LRP1B: variants seen among roughly 807,000 people sequenced by gnomAD.
The protein encoded by LRP1B is LDL receptor related protein 1B.
A neutral mutation model predicts 556.6 loss-of-function variants in LRP1B; 217 were observed. The ratio of observed to expected loss-of-function variants is 0.39; its 90% CI spans 0.35 to 0.44. The LOEUF is 0.44. Among genes scored for constraint, LRP1B ranks in the 20% least tolerant of loss-of-function variants. The probability of loss-of-function intolerance (pLI) is 1.00; values close to 1 mark genes in which losing one functional copy is unlikely to be tolerated. For synonymous variants in LRP1B, 2,047 were observed against 1,865.8 expected (o/e 1.10, Z -2.50); for missense variants, 5,053 against 5,620.8 (o/e 0.90, Z 3.23).
At chr2:140,777,842 T>C (rs911079975) in intron 32 of LRP1B, among the ~76,000 whole-genome samples, 11 of 151,882 alleles carry the variant, frequency 7.2e-5, no homozygotes, top group Admixed American at 2.0e-4. Context: ...TTCAATAGAA[T>C]GATCAGAAAA....
chr2:141,432,966 T>C lies in LRP1B; in HGVS notation c.343+47430A>G, dbSNP rs1680619859. ...TAGTTTGCTACCATTTTCTGGTGTCTTTAGGTAGAAGTGTAAGTTATCTAT... is the reference window on the plus strand; with the variant it reads ...TAGTTTGCTACCATTTTCTGGTGTCCTTAGGTAGAAGTGTAAGTTATCTAT... On this transcript the variant is annotated intron_variant, in intron 3 of 90. Coordinates refer to ENST00000389484, the MANE Select transcript of LRP1B (RefSeq NM_018557.3). Among the ~76,000 whole-genome samples the C allele has an allele frequency of 2.6e-5, 4 of 151,970 alleles. No homozygotes were observed. The South Asian group carries it at 8.3e-4, about 31-fold the overall frequency.
intron 66 of LRP1B, among the ~76,000 whole-genome samples, chr2:140,424,185 A>G (rs1037371271): frequency 6.6e-6 from 1 of 152,246 alleles, no homozygotes; most frequent in Non-Finnish European, 1.5e-5. Flanking sequence ...TCCTTAAAAA[A>G]GATAATTTGG....
intron 35 of LRP1B, among the ~76,000 whole-genome samples, chr2:140,720,740 C>G (rs1455565837): frequency 6.6e-6 from 1 of 152,074 alleles, no homozygotes; most frequent in East Asian, 1.9e-4. Flanking sequence ...ACACTCTACT[C>G]TACGTTATTA....
intron 3 of LRP1B, among the ~76,000 whole-genome samples, chr2:141,277,611 A>T (rs146242000): frequency 3.0e-4 from 45 of 152,156 alleles, no homozygotes; most frequent in African/African-American, 1.1e-3. Flanking sequence ...AGATTATATA[A>T]TCAGAAAATA....
chr2:141,260,902 C>T (rs1415200922), intron 3 of LRP1B, among the ~76,000 whole-genome samples: 1 of 151,984 alleles, frequency 6.6e-6, no homozygotes, highest in Admixed American at 6.6e-5. Context: ...AATAAAATTG[C>T]TTCTTAAATT....
intron 3 of LRP1B, among the ~76,000 whole-genome samples, chr2:141,447,562 T>C (rs1681243188): frequency 6.6e-6 from 1 of 152,140 alleles, no homozygotes; most frequent in South Asian, 2.1e-4. Context: ...CTACCTTTGG[T>C]CTTTGATGTT....
At chr2:142,012,383 A>T (rs1244546431) in intron 1 of LRP1B, among the ~76,000 whole-genome samples, 6 of 152,126 alleles carry the variant, frequency 3.9e-5, no homozygotes, top group Non-Finnish European at 7.4e-5. Flanking sequence ...CTGTGCTTAG[A>T]AATTTATTCT....
rs142136194 is a variant in LRP1B at position 141,874,644 on chromosome 2, A to C, written c.83-64243T>G. Among the ~76,000 whole-genome samples the C allele has an allele frequency of 6.0e-4, 92 of 152,118 alleles. 1 individual carries two copies. The East Asian group carries it at 0.015, about 24-fold the overall frequency. ...AGTAAATAAACTGTTTTTGAGAAAA[A>C]GTAAAAAAGCATCTCAAAAGTACTA... On this transcript the variant is annotated intron_variant, in intron 1 of 90. Coordinates refer to ENST00000389484, the MANE Select transcript of LRP1B (RefSeq NM_018557.3).
intron 1 of LRP1B, among the ~76,000 whole-genome samples, chr2:141,838,558 A>G (rs1697366619): frequency 1.3e-5 from 2 of 152,182 alleles, no homozygotes; most frequent in Admixed American, 1.3e-4. Flanking sequence ...TATAGTCAAC[A>G]TATTTAGACA....
intron 5 of LRP1B, among the ~76,000 whole-genome samples, chr2:141,229,720 A>G (rs1299924501): frequency 3.9e-5 from 6 of 152,210 alleles, no homozygotes; most frequent in African/African-American, 1.4e-4. Context: ...TAGTAAGTAA[A>G]GGAAGTGGTG....
intron 32 of LRP1B, among the ~76,000 whole-genome samples, chr2:140,788,068 G>A (rs963100694): frequency 6.6e-6 from 1 of 152,128 alleles, no homozygotes; most frequent in African/African-American, 2.4e-5. Context: ...GGATGATCAT[G>A]AGTAAGTTAC....
chr2:140,962,514 A>G (rs1696066343), intron 18 of LRP1B, among the ~76,000 whole-genome samples: 1 of 152,208 alleles, frequency 6.6e-6, no homozygotes, highest in South Asian at 2.1e-4. Flanking sequence ...TTTAAACCCT[A>G]TAGTGTTTAA....
intron 84 of LRP1B, among the ~76,000 whole-genome samples, chr2:140,286,926 A>G (rs1573736734): frequency 6.6e-6 from 1 of 151,934 alleles, no homozygotes; most frequent in East Asian, 1.9e-4. Context: ...ATTTTAGGAA[A>G]TATTAACTTT....
chr2:141,370,070 A>G (rs1317748554), intron 3 of LRP1B, among the ~76,000 whole-genome samples: 2 of 151,950 alleles, frequency 1.3e-5, no homozygotes, highest in South Asian at 2.1e-4. Flanking sequence ...TTGATTGCCT[A>G]TCTTTGCTAT....
At chr2:140,383,293 CGTGTGTGTGTGTGT>C (rs35151647) in intron 67 of LRP1B, among the ~76,000 whole-genome samples, 2 of 145,654 alleles carry the variant, frequency 1.4e-5, no homozygotes, top group Admixed American at 6.9e-5. Context: ...CAGTGATGTG[CGTGTGTGTGTGTGT>C]GTGTGTGTGT....
intron 1 of LRP1B, among the ~76,000 whole-genome samples, chr2:141,894,724 A>G (rs986108347): frequency 4.6e-5 from 7 of 151,454 alleles, no homozygotes; most frequent in African/African-American, 1.5e-4. Flanking sequence ...ACAATCATAA[A>G]CTTTATAACC....
At chr2:140,515,736 A>G (rs1689868443) in intron 50 of LRP1B, among the ~76,000 whole-genome samples, 1 of 152,032 alleles carries the variant, frequency 6.6e-6, no homozygotes, top group East Asian at 1.9e-4. Flanking sequence ...ATCCACATAC[A>G]ATATTTTGGA....
intron 18 of LRP1B, among the ~76,000 whole-genome samples, chr2:140,970,315 C>T (rs557170361): frequency 1.1e-3 from 161 of 152,246 alleles, no homozygotes; most frequent in Non-Finnish European, 1.6e-3. Context: ...TTGATCGAAT[C>T]GGCTACTGAC....
At chr2:141,251,811 G>A (rs1684271740) in intron 4 of LRP1B, among the ~76,000 whole-genome samples, 4 of 152,212 alleles carry the variant, frequency 2.6e-5, no homozygotes, top group Admixed American at 2.6e-4. Context: ...TACAACAAAA[G>A]AGAATAGATT....
Sources: allele counts gnomAD v4.1 joint callset (sites outside exome capture counted in the v4.1 genomes callset), GRCh38; gene constraint gnomAD v4.1.1; transcripts MANE v1.5; gene names NCBI Gene and HGNC (gene_info 2026-07-23, HGNC 2026-07-21).